The following DDX31 variants were observed in gnomAD, a reference collection of about 807,000 sequenced individuals.
DDX31 encodes the protein ATP-dependent DNA helicase DDX31.
Under a neutral mutation model 91.3 loss-of-function variants are expected in DDX31, and 70 were observed. That is an observed-to-expected ratio of 0.77 (90% CI 0.63 to 0.94). The LOEUF is 0.94. Ranked by LOEUF, DDX31 falls within the 40% of genes least tolerant of loss-of-function variation. The pLI, the probability that DDX31 is intolerant of heterozygous loss-of-function variation, is 0.00. For missense variants in DDX31, 902 were observed against 925.0 expected (o/e 0.98, Z 0.32); for synonymous variants, 362 against 350.6 (o/e 1.03, Z -0.36).
chr9:132,600,608 G>C (rs570432991), intron 19 of DDX31, among the ~76,000 whole-genome samples: 1 of 152,116 alleles, frequency 6.6e-6, no homozygotes, highest in Middle Eastern at 3.4e-3. Context: ...AAAGAGGAGA[G>C]ATCATATTTA....
Position 132,652,489 on chromosome 9 carries a change from T to A in DDX31, c.592A>T (p.Ser198Cys). 8 of 1,614,076 alleles carry A rather than the reference T, an allele frequency of 5.0e-6. No homozygotes were observed. Among genetic ancestry groups the A allele is most frequent in the Non-Finnish European group, 6.8e-6 (8 of 1,180,028 alleles). Reference sequence around the variant, plus strand: ...AGCACCAGGGCATAGGGGCCATCACTGCGCTGTTGACACACAGAAAAAAAA... The same window carrying A: ...AGCACCAGGGCATAGGGGCCATCACAGCGCTGTTGACACACAGAAAAAAAA... ...LQAMESKIQR[S>C]DGPYALVLVP... The change falls in exon 7 of 20, where the codon AGT becomes TGT. Residue 198 changes from serine (S) to cysteine (C), a missense_variant. Coordinates refer to ENST00000372159, the MANE Select transcript of DDX31 (RefSeq NM_022779.9).
chr9:132,652,995 C>A (rs1337237502), intron 6 of DDX31, among the ~76,000 whole-genome samples: 1 of 152,076 alleles, frequency 6.6e-6, no homozygotes. Flanking sequence ...CACCCACTAA[C>A]CCCATTATTC....
chr9:132,624,259 G>C (rs114188130), intron 17 of DDX31, among the ~76,000 whole-genome samples: 1 of 148,150 alleles, frequency 6.7e-6, no homozygotes, highest in African/African-American at 2.5e-5. Context: ...AGTGTGCCAA[G>C]ACCAATGAAG....
rs147789770 is a variant in DDX31 at position 132,656,490 on chromosome 9, C to T, written c.588+2181G>A. 2.6e-3 allele frequency among the ~76,000 whole-genome samples: 394 copies of T among 152,274 alleles called. 1 individual carries two copies. The highest frequency in any genetic ancestry group is 8.8e-3 in the African/African-American group (366 of 41,554). The stretch of plus-strand genomic sequence containing the variant: ...AAGCATGATGTCACCATGCACTGCC[C>T]GTCGGGTCTCAACACTGCACATGCA... On this transcript the variant is annotated intron_variant, in intron 6 of 19. Coordinates refer to ENST00000372159, the MANE Select transcript of DDX31 (RefSeq NM_022779.9).
chr9:132,656,069 A>G (rs1045673015), intron 6 of DDX31, among the ~76,000 whole-genome samples: 7 of 152,188 alleles, frequency 4.6e-5, no homozygotes, highest in Non-Finnish European at 8.8e-5. Context: ...CTCACAGGGC[A>G]CAAGTAAGTG....
chr9:132,616,615 A>T (rs1831642282), intron 18 of DDX31, among the ~76,000 whole-genome samples: 1 of 152,226 alleles, frequency 6.6e-6, no homozygotes, highest in Admixed American at 6.5e-5. Flanking sequence ...CAGCCAGCTG[A>T]ATTTGCCTAA....
chr9:132,637,262 G>A (rs929938604), intron 14 of DDX31, among the ~76,000 whole-genome samples: 6 of 152,118 alleles, frequency 3.9e-5, no homozygotes, highest in African/African-American at 9.7e-5. Flanking sequence ...ACTCAGCAGA[G>A]GATTCTGTTC....
chr9:132,648,176 C>T lies in DDX31; in HGVS notation c.967+13G>A, dbSNP rs1405002278. 9 of 1,603,966 alleles carry T rather than the reference C, an allele frequency of 5.6e-6. No homozygotes were observed. In the South Asian group the frequency reaches 1.0e-4, roughly 18 times the overall value. On this transcript the variant is annotated intron_variant, in intron 11 of 19. Transcript: ENST00000372159. The stretch of plus-strand genomic sequence containing the variant: ...AAGAACAAAGAAGGACCCATCACTT[C>T]TTTTCAACTCACCTTCTGTGAGTGT...
At chr9:132,651,012 G>A in intron 8 of DDX31, 63 bp downstream of exon 8, 4 of 1,376,390 alleles carry the variant, frequency 2.9e-6, no homozygotes, top group South Asian at 2.4e-5. Context: ...ATAGACTGTA[G>A]TATATTAAAT....
chr9:132,638,473 C>A, intron 14 of DDX31: 1 of 1,469,760 alleles, frequency 6.8e-7, no homozygotes, highest in Non-Finnish European at 9.5e-7. Context: ...CCAATGACTC[C>A]TTCTTGCTCA....
chr9:132,608,641 A>G (rs2119264352), intron 19 of DDX31, among the ~76,000 whole-genome samples: 1 of 152,316 alleles, frequency 6.6e-6, no homozygotes, highest in South Asian at 2.1e-4. Flanking sequence ...TAATTATTCT[A>G]GGCAGTAAAC....
At chr9:132,662,377 T>C (rs778960071) in intron 2 of DDX31, 41 bp from the exon 3 acceptor site, 1 of 1,614,014 alleles carries the variant, frequency 6.2e-7, no homozygotes, top group South Asian at 1.1e-5. Context: ...AGTGCCAATA[T>C]TAACAAAGAA....
At position 132,646,853 on chromosome 9, in the gene DDX31, G is replaced by A; in HGVS notation, c.1173C>T (p.Cys391=). 1.2e-6 allele frequency: 2 copies of A among 1,614,062 alleles called. No individual in the cohort carries two copies. Among genetic ancestry groups the A allele is most frequent in the Non-Finnish European group, 1.7e-6 (2 of 1,180,000 alleles). The change falls in exon 12 of 20, where the codon TGC becomes TGT. Residue 391 remains cysteine (C), a synonymous_variant. Transcript: ENST00000372159. ...ATTTCTGAAGGATGAAGGCCGCTAG[G>A]CAGACAAGCCTCAGTTTGCTGGGAA... is the stretch of plus-strand genomic sequence containing the variant. ...TVVPSKLRLV[C]LAAFILQKCK...
chr9:132,616,521 G>A (rs1831635536), intron 18 of DDX31, among the ~76,000 whole-genome samples: 1 of 152,226 alleles, frequency 6.6e-6, no homozygotes, highest in African/African-American at 2.4e-5. Flanking sequence ...GAAGGTGACA[G>A]TGTGGGTTTG....
At chr9:132,662,214 A>T in intron 3 of DDX31, 47 bp downstream of exon 3, 1 of 1,601,874 alleles carries the variant, frequency 6.2e-7, no homozygotes, top group Non-Finnish European at 8.5e-7. Flanking sequence ...CTGAACGGAC[A>T]AACACACCAA....
intron 18 of DDX31, among the ~76,000 whole-genome samples, chr9:132,613,223 T>A (rs1251086061): frequency 6.6e-6 from 1 of 152,070 alleles, no homozygotes; most frequent in Non-Finnish European, 1.5e-5. Context: ...TCTAAAAGTA[T>A]CCAGGATTAA....
chr9:132,630,305 C>T lies in DDX31; in HGVS notation c.1590G>A (p.Ser530=), dbSNP rs753876186. The change falls in exon 16 of 20, where the codon TCG becomes TCA. Residue 530 remains serine, a synonymous_variant. Coordinates refer to ENST00000372159, the MANE Select transcript of DDX31 (RefSeq NM_022779.9). ...HGSSLLILAP[S]EAEYVNSLAS... Reference sequence around the variant, plus strand: ...CCAACGAGTTGACATATTCTGCCTCCGAAGGAGCCAAAATGAGCAGGCTGC... The same window carrying T: ...CCAACGAGTTGACATATTCTGCCTCTGAAGGAGCCAAAATGAGCAGGCTGC... The T allele has an allele frequency of 2.5e-6, 4 of 1,594,966 alleles. No homozygotes were observed. The highest frequency in any genetic ancestry group is 3.4e-5 in the Admixed American group (2 of 59,598).
At chr9:132,631,912 T>C in intron 15 of DDX31, 129 bp downstream of exon 15, 1 of 776,080 alleles carries the variant, frequency 1.3e-6, no homozygotes, top group Admixed American at 2.9e-5. Context: ...CAGATAAGGC[T>C]GGTTTGCTGC....
At chr9:132,633,825 AG>A (rs1385227640) in intron 14 of DDX31, among the ~76,000 whole-genome samples, 1 of 152,194 alleles carries the variant, frequency 6.6e-6, no homozygotes, top group Non-Finnish European at 1.5e-5. Flanking sequence ...CTGTCACTAT[AG>A]GAAACACAGA....
Sources: gnomAD v4.1 joint callset for allele counts (sites outside exome capture counted in the v4.1 genomes callset) on GRCh38, gnomAD v4.1.1 for gene constraint, MANE v1.5 for transcripts, NCBI Gene and HGNC (gene_info 2026-07-23, HGNC 2026-07-21) for gene names.